The following LSM8 variants were observed in gnomAD, a reference collection of about 807,000 sequenced individuals.
LSM8 encodes the protein LSM8 U6 small nuclear RNA associated.
LSM8 carries 14 observed loss-of-function variants against 15.0 expected under a neutral mutation model. That is an observed-to-expected ratio of 0.93 (90% CI 0.62 to 1.46). The LOEUF (loss-of-function observed/expected upper bound fraction) is 1.46. Among genes scored for constraint, LSM8 ranks in the 40% most tolerant of loss-of-function variants. The pLI is 0.00. For synonymous variants in LSM8, 50 were observed against 42.1 expected (o/e 1.19, Z -0.73); for missense variants, 90 against 115.4 (o/e 0.78, Z 1.01).
intron 1 of LSM8, chr7:118,185,108 C>T (rs1442457371): frequency 1.3e-5 from 2 of 152,078 alleles, no homozygotes; most frequent in Non-Finnish European, 2.9e-5. Context: ...AGATTGGTAA[C>T]CTTCCTAGTA....
chr7:118,195,454 A>G lies in LSM8; in HGVS notation c.*3452A>G, dbSNP rs1809063248. On this transcript the variant is annotated 3_prime_UTR_variant, in exon 4 of 4. Coordinates refer to ENST00000249299, the MANE Select transcript of LSM8 (RefSeq NM_016200.5). ...AAAGGCCAATGTATAAAAGTTAAAA[A>G]TATAGGTCTTGTCAGCTTTTTAAGC... Among the ~76,000 whole-genome samples, 1 of 152,238 alleles carries G rather than the reference A, an allele frequency of 6.6e-6. No homozygotes were observed. The highest frequency in any genetic ancestry group is 1.5e-5 in the Non-Finnish European group (1 of 68,040).
At position 118,197,198 on chromosome 7, in the gene LSM8, T is replaced by G. The variant is rs1236815800; in HGVS notation, c.*5196T>G. Among the ~76,000 whole-genome samples the G allele has an allele frequency of 2.7e-5, 4 of 150,038 alleles. No homozygotes were observed. The highest frequency in any genetic ancestry group is 6.6e-5 in the Admixed American group (1 of 15,094). ...CATATATTTTGCTATTATGTAGGTTTTTTTTTTTTTTCCACATATACTGGC... is the reference window on the plus strand; with the variant it reads ...CATATATTTTGCTATTATGTAGGTTGTTTTTTTTTTTCCACATATACTGGC... On this transcript the variant is annotated 3_prime_UTR_variant, in exon 4 of 4. Coordinates refer to ENST00000249299, the MANE Select transcript of LSM8 (RefSeq NM_016200.5).
At chr7:118,184,287 C>T in intron 1 of LSM8, 33 bp downstream of exon 1, 1 of 1,463,936 alleles carries the variant, frequency 6.8e-7, no homozygotes, top group Non-Finnish European at 9.1e-7. Flanking sequence ...GGGCGTGAGC[C>T]GGGGTCGCGG....
Position 118,201,968 on chromosome 7 carries a change from T to G in LSM8, c.*9966T>G, listed in dbSNP as rs1809179229. Reference sequence around the variant, plus strand: ...GTGAATCTGCATGGCATAAATCAAGTCTCTAGATCCTGATCACTTCTATGT... The same window carrying G: ...GTGAATCTGCATGGCATAAATCAAGGCTCTAGATCCTGATCACTTCTATGT... On this transcript the variant is annotated 3_prime_UTR_variant, in exon 4 of 4. Transcript: ENST00000249299. 6.6e-6 allele frequency among the ~76,000 whole-genome samples: 1 copy of G among 152,034 alleles called. No homozygotes were observed. Among genetic ancestry groups the G allele is most frequent in the African/African-American group, 2.4e-5 (1 of 41,428 alleles).
chr7:118,185,766 A>G, intron 2 of LSM8, 72 bp downstream of exon 2: 5 of 1,381,220 alleles, frequency 3.6e-6, no homozygotes, highest in South Asian at 2.4e-5. Flanking sequence ...TGAAACCTCT[A>G]ATCTCTAATG....
chr7:118,192,106 C>A lies in LSM8; in HGVS notation c.*104C>A. 1 of 667,012 alleles carries A rather than the reference C, an allele frequency of 1.5e-6. No homozygotes were observed. The highest frequency in any genetic ancestry group is 2.4e-6 in the Non-Finnish European group (1 of 423,576). 41.3% of individuals were successfully genotyped at this position (667,012 alleles called of 1,614,324 possible). ...TGAGTGTGTCACTGGATTTTGACTC[C>A]TTATTGATTCATTGTAATATGTAAA... On this transcript the variant is annotated 3_prime_UTR_variant, in exon 4 of 4. Coordinates refer to ENST00000249299, the MANE Select transcript of LSM8 (RefSeq NM_016200.5).
In LSM8 at chr7:118,191,998, A is replaced by T. The variant is rs1417310800; in HGVS notation, c.287A>T (p.His96Leu). ...GCAGAACCTTTAAATTCTGTAGCAC[A>T]CTGAGGAAAAACTACATACTTGGAC... is the stretch of plus-strand genomic sequence containing the variant. ...IRAEPLNSVA[H>L] is the part of the protein sequence containing the mutation. The change falls in exon 4 of 4, where the codon CAC (histidine) becomes CTC (leucine). Residue 96 changes from histidine (H) to leucine (L), a missense_variant. By Grantham distance (99) the His-to-Leu change is moderately conservative. Coordinates refer to ENST00000249299, the MANE Select transcript of LSM8 (RefSeq NM_016200.5). 6.2e-7 allele frequency: 1 copy of T among 1,601,068 alleles called. No homozygotes were observed. The highest frequency in any genetic ancestry group is 8.6e-7 in the Non-Finnish European group (1 of 1,169,484).
chr7:118,187,699 T>C (rs1808910709), intron 2 of LSM8, among the ~76,000 whole-genome samples: 1 of 152,260 alleles, frequency 6.6e-6, no homozygotes, highest in Non-Finnish European at 1.5e-5. Flanking sequence ...CTCCTGGCTC[T>C]GCCACTTACT....
chr7:118,195,760 G>A lies in LSM8; in HGVS notation c.*3758G>A, dbSNP rs1189952027. On this transcript the variant is annotated 3_prime_UTR_variant, in exon 4 of 4. Coordinates refer to ENST00000249299, the MANE Select transcript of LSM8 (RefSeq NM_016200.5). ...TTTTGGGTTTAAAAAAACTTGGGCT[G>A]TGAATCTCAGTTTTAAGTCATGGGC... Among the ~76,000 whole-genome samples the A allele has an allele frequency of 2.6e-5, 4 of 152,072 alleles. No individual in the cohort carries two copies. The highest frequency in any genetic ancestry group is 2.6e-4 in the Admixed American group (4 of 15,278).
chr7:118,184,223 C>T lies in LSM8; in HGVS notation c.-1C>T. The T allele has an allele frequency of 6.5e-7, 1 of 1,541,824 alleles. No homozygotes were observed. The highest frequency in any genetic ancestry group is 8.8e-7 in the Non-Finnish European group (1 of 1,142,292). ...TACCCGGAACCGCCGGGCCGAACAG[C>T]ATGACGTCCGCTTTGGAGAACTACA... On this transcript the variant is annotated 5_prime_UTR_variant, in exon 1 of 4. Transcript: ENST00000249299.
In LSM8 at chr7:118,197,095, A is replaced by G. The variant is rs926393722; in HGVS notation, c.*5093A>G. Among the ~76,000 whole-genome samples, 2 of 152,108 alleles carry G rather than the reference A, an allele frequency of 1.3e-5. No homozygotes were observed. Among genetic ancestry groups the G allele is most frequent in the Non-Finnish European group, 2.9e-5 (2 of 68,018 alleles). Reference sequence around the variant, plus strand: ...CAGATCAAGCATTGCTACAACTGGTATCAAATTCCCATCAATGTCCCTACA... The same window carrying G: ...CAGATCAAGCATTGCTACAACTGGTGTCAAATTCCCATCAATGTCCCTACA... On this transcript the variant is annotated 3_prime_UTR_variant, in exon 4 of 4. Transcript: ENST00000249299.
rs190171612 is a variant in LSM8, at chr7:118,195,480, G to A, written c.*3478G>A. 6.6e-5 allele frequency among the ~76,000 whole-genome samples: 10 copies of A among 152,268 alleles called. No homozygotes were observed. Among genetic ancestry groups the A allele is most frequent in the Admixed American group, 4.6e-4 (7 of 15,290 alleles). ...TATAGGTCTTGTCAGCTTTTTAAGC[G>A]TCTGTCCCACTGACTACCATATCTC... On this transcript the variant is annotated 3_prime_UTR_variant, in exon 4 of 4. Coordinates refer to ENST00000249299, the MANE Select transcript of LSM8 (RefSeq NM_016200.5).
In LSM8 at chr7:118,194,075, A is replaced by T. The variant is rs556750724; in HGVS notation, c.*2073A>T. Among the ~76,000 whole-genome samples the T allele has an allele frequency of 1.3e-5, 2 of 152,244 alleles. No individual in the cohort carries two copies. The highest frequency in any genetic ancestry group is 3.9e-4 in the East Asian group (2 of 5,190). ...CAAGCACATGGTGGACTGTTTTCTC[A>T]CAACCGATTAAAATTGGATTTATTT... On this transcript the variant is annotated 3_prime_UTR_variant, in exon 4 of 4. Coordinates refer to ENST00000249299, the MANE Select transcript of LSM8 (RefSeq NM_016200.5).
rs1809164657 is a variant in LSM8, at chr7:118,201,005, T to A, written c.*9003T>A. 2.0e-5 allele frequency among the ~76,000 whole-genome samples: 3 copies of A among 152,132 alleles called. No individual in the cohort carries two copies. In the South Asian group the frequency reaches 6.2e-4, roughly 31 times the overall value. On this transcript the variant is annotated 3_prime_UTR_variant, in exon 4 of 4. Coordinates refer to ENST00000249299, the MANE Select transcript of LSM8 (RefSeq NM_016200.5). ...ATTTGGTAGCAATTGACTTGAAATT[T>A]GTGATACTTCAACTTGTGCTAGGTT... is the stretch of plus-strand genomic sequence containing the variant.
rs1297340132 is a variant in LSM8 at position 118,200,734 on chromosome 7, T to G, written c.*8732T>G. ...ACTTTATAAGAGTTTATTCCTTAAG[T>G]GTTTGAATTTACACTTTTTTCTCCT... is the stretch of plus-strand genomic sequence containing the variant. On this transcript the variant is annotated 3_prime_UTR_variant, in exon 4 of 4. Transcript: ENST00000249299. 2.0e-5 allele frequency among the ~76,000 whole-genome samples: 3 copies of G among 152,046 alleles called. No individual in the cohort carries two copies. Among genetic ancestry groups the G allele is most frequent in the Non-Finnish European group, 4.4e-5 (3 of 67,980 alleles).
chr7:118,187,502 G>A (rs1478993088), intron 2 of LSM8, among the ~76,000 whole-genome samples: 1 of 152,214 alleles, frequency 6.6e-6, no homozygotes, highest in African/African-American at 2.4e-5. Context: ...ATACATGTGA[G>A]ACACACAGAA....
chr7:118,185,746 A>AACC, intron 2 of LSM8, 52 bp downstream of exon 2: 1 of 1,526,230 alleles, frequency 6.6e-7, no homozygotes, highest in Non-Finnish European at 9.1e-7. Context: ...TATTGGTTGC[A>AACC]AGTTTTATGT....
In LSM8 at chr7:118,193,271, G is replaced by C. The variant is rs181112041; in HGVS notation, c.*1269G>C. 6.6e-4 allele frequency among the ~76,000 whole-genome samples: 100 copies of C among 152,166 alleles called. No individual in the cohort carries two copies. Among genetic ancestry groups the C allele is most frequent in the Admixed American group, 1.2e-3 (18 of 15,262 alleles). On this transcript the variant is annotated 3_prime_UTR_variant, in exon 4 of 4. Transcript: ENST00000249299. ...GTAAAACTTCATTTATAAAAATGGA[G>C]GTGGGGGTTGGATTGGGCTTGAAGG...
intron 2 of LSM8, 33 bp from the exon 3 acceptor site, chr7:118,188,245 T>G (rs372071681): frequency 6.2e-7 from 1 of 1,607,396 alleles, no homozygotes; most frequent in South Asian, 1.1e-5. Context: ...AACCAGAATA[T>G]TTCTCTTTTT....
Sources: gnomAD v4.1 joint callset for allele counts (sites outside exome capture counted in the v4.1 genomes callset) on GRCh38, gnomAD v4.1.1 for gene constraint, MANE v1.5 for transcripts, NCBI Gene and HGNC (gene_info 2026-07-23, HGNC 2026-07-21) for gene names.